Variants in CDADC1 observed in about 807,000 individuals in gnomAD.
CDADC1 encodes cytidine and dCMP deaminase domain containing 1.
Under a neutral mutation model 54.9 loss-of-function variants are expected in CDADC1, and 39 were observed. That is an observed-to-expected ratio of 0.71 (90% CI 0.55 to 0.93). The LOEUF is 0.93. Among genes scored for constraint, CDADC1 ranks in the 40% least tolerant of loss-of-function variants. The pLI is 0.00. For missense variants in CDADC1, 518 were observed against 618.8 expected (o/e 0.84, Z 1.73); for synonymous variants, 186 against 204.0 (o/e 0.91, Z 0.75).
At chr13:49,258,620 C>T (rs1413136602) in intron 3 of CDADC1, among the ~76,000 whole-genome samples, 2 of 152,222 alleles carry the variant, frequency 1.3e-5, no homozygotes, top group African/African-American at 4.8e-5. Context: ...CAGCCAGTCC[C>T]TGCTCTGTGG....
chr13:49,267,222 T>A (rs1952836260), intron 4 of CDADC1, among the ~76,000 whole-genome samples: 2 of 152,228 alleles, frequency 1.3e-5, no homozygotes, highest in Non-Finnish European at 2.9e-5. Flanking sequence ...CAGTTCGATG[T>A]GTCACAAAAT....
chr13:49,265,433 T>G (rs1361733819), intron 4 of CDADC1, among the ~76,000 whole-genome samples: 1 of 152,204 alleles, frequency 6.6e-6, no homozygotes, highest in East Asian at 1.9e-4. Flanking sequence ...GAATTTAAAT[T>G]TAAATGTCTA....
At chr13:49,273,778 T>C (rs1388471771) in intron 5 of CDADC1, among the ~76,000 whole-genome samples, 2 of 152,234 alleles carry the variant, frequency 1.3e-5, no homozygotes, top group Non-Finnish European at 2.9e-5. Context: ...TATGTTCGTA[T>C]GAGAAGTTTG....
Position 49,251,694 on chromosome 13 carries a change from T to C in CDADC1, c.177+2729T>C, listed in dbSNP as rs550889038. ...CACACCCTACTGTTTCCTCATACTA[T>C]ATAGAGAAAGCTGTGGATCTGAGAA... On this transcript the variant is annotated intron_variant, in intron 2 of 9. Transcript: ENST00000251108. 4.6e-5 allele frequency among the ~76,000 whole-genome samples: 7 copies of C among 152,322 alleles called. No individual in the cohort carries two copies. In the South Asian group the frequency reaches 1.2e-3, roughly 27 times the overall value.
At chr13:49,248,639 G>T (rs571597820) in intron 1 of CDADC1, among the ~76,000 whole-genome samples, 1 of 152,316 alleles carries the variant, frequency 6.6e-6, no homozygotes, top group African/African-American at 2.4e-5. Flanking sequence ...TTTTCCTGCA[G>T]GGTGAGGGCT....
chr13:49,275,689 TTATATATATATA>T (rs371106804), intron 6 of CDADC1, among the ~76,000 whole-genome samples: 2,298 of 42,972 alleles, frequency 0.053, 153 homozygotes, highest in South Asian at 0.06. Flanking sequence ...TTTCTAGGTG[TTATATATATATA>T]TATATATATA....
chr13:49,252,077 C>T (rs1952446179), intron 2 of CDADC1, among the ~76,000 whole-genome samples: 1 of 152,178 alleles, frequency 6.6e-6, no homozygotes, highest in African/African-American at 2.4e-5. Context: ...CAAAGAACAT[C>T]CATGTCTTCA....
chr13:49,277,280 G>A (rs1232759031), intron 6 of CDADC1, among the ~76,000 whole-genome samples: 1 of 151,752 alleles, frequency 6.6e-6, no homozygotes. Flanking sequence ...AGACAATCCT[G>A]GGCATCATGG....
At chr13:49,284,641 TTCTC>T (rs1304199675) in intron 8 of CDADC1, among the ~76,000 whole-genome samples, 1 of 152,252 alleles carries the variant, frequency 6.6e-6, no homozygotes, top group Non-Finnish European at 1.5e-5. Flanking sequence ...TTTCTAAGTC[TTCTC>T]TCTTTCTTGG....
chr13:49,259,224 C>A, intron 3 of CDADC1, 122 bp from the exon 4 acceptor site: 2 of 746,284 alleles, frequency 2.7e-6, no homozygotes, highest in Non-Finnish European at 4.0e-6. Context: ...GTGCTTTGTA[C>A]AAACTCTGTT....
intron 3 of CDADC1, 35 bp from the exon 4 acceptor site, chr13:49,259,311 T>C (rs781706959): frequency 1.4e-6 from 2 of 1,410,084 alleles, no homozygotes; most frequent in African/African-American, 2.9e-5. Flanking sequence ...TTAGGTGTTA[T>C]AACTAATAAG....
intron 6 of CDADC1, among the ~76,000 whole-genome samples, chr13:49,275,720 TATATATAGAG>T (rs1953102696): frequency 1.1e-4 from 3 of 26,162 alleles, no homozygotes; most frequent in African/African-American, 1.6e-4. Flanking sequence ...TATATATATA[TATATATAGAG>T]AGAGAGAGAG....
rs759792512 is a variant in CDADC1 at position 49,282,236 on chromosome 13, GT to G, written c.1410+1557del. Among the ~76,000 whole-genome samples the G allele has an allele frequency of 7.7e-3, 724 of 94,132 alleles. 2 individuals are homozygous for G. The highest frequency in any genetic ancestry group is 0.015 in the Middle Eastern group (2 of 132). The allele number at this position is 94,132 out of a possible 152,430, so 61.8% of individuals were successfully genotyped here. On this transcript the variant is annotated intron_variant, in intron 8 of 9. Transcript: ENST00000251108. ...ACTATTTGGGTTCTGGTTTTTGTGGGTTTTTTTTTTTTTTTTTTTGCTTTTG... is the reference window on the plus strand; with the variant it reads ...ACTATTTGGGTTCTGGTTTTTGTGGGTTTTTTTTTTTTTTTTTTGCTTTTG...
chr13:49,280,112 C>T (rs1417744474), intron 7 of CDADC1, among the ~76,000 whole-genome samples: 1 of 152,192 alleles, frequency 6.6e-6, no homozygotes, highest in Admixed American at 6.5e-5. Flanking sequence ...TCTAATCAGA[C>T]ATGATTAGCT....
At chr13:49,289,675 G>A (rs9535190) in intron 9 of CDADC1, among the ~76,000 whole-genome samples, 44,993 of 152,062 alleles carry the variant, frequency 0.3, 6,771 homozygotes, top group East Asian at 0.5. Context: ...AAATATAAAT[G>A]TTGAATTTAA....
chr13:49,272,895 C>T (rs1000400033), intron 5 of CDADC1, among the ~76,000 whole-genome samples: 9 of 151,820 alleles, frequency 5.9e-5, no homozygotes, highest in South Asian at 2.1e-4. Context: ...CTTTATGTCA[C>T]GGTGCAAGGT....
chr13:49,283,261 C>T (rs1953404031), intron 8 of CDADC1, among the ~76,000 whole-genome samples: 1 of 151,976 alleles, frequency 6.6e-6, no homozygotes, highest in Non-Finnish European at 1.5e-5. Context: ...TATGAAGTAT[C>T]ATAAGTTTTT....
At chr13:49,270,785 A>G (rs1241027278) in intron 5 of CDADC1, among the ~76,000 whole-genome samples, 1 of 152,236 alleles carries the variant, frequency 6.6e-6, no homozygotes, top group Non-Finnish European at 1.5e-5. Context: ...AATAATAACA[A>G]TGACAGTTTA....
rs113662327 is a variant in CDADC1, at chr13:49,250,489, C to T, written c.177+1524C>T. 5.2e-3 allele frequency among the ~76,000 whole-genome samples: 793 copies of T among 152,176 alleles called. 14 individuals carry two copies. Among genetic ancestry groups the T allele is most frequent in the African/African-American group, 0.018 (744 of 41,506 alleles). ...TGAAGGAAGGATTCACAGAGAAGGTCGTATTTGCACTGAGACATGAAGGAT... is the reference window on the plus strand; with the variant it reads ...TGAAGGAAGGATTCACAGAGAAGGTTGTATTTGCACTGAGACATGAAGGAT... On this transcript the variant is annotated intron_variant, in intron 2 of 9. Transcript: ENST00000251108.
Sources: gnomAD v4.1 joint callset for allele counts (sites outside exome capture counted in the v4.1 genomes callset) on GRCh38, gnomAD v4.1.1 for gene constraint, MANE v1.5 for transcripts, NCBI Gene and HGNC (gene_info 2026-07-23, HGNC 2026-07-21) for gene names.